Variants in CTNNA3 observed in about 807,000 individuals in gnomAD.
CTNNA3 encodes catenin alpha-3.
Under a neutral mutation model 95.7 loss-of-function variants are expected in CTNNA3, and 76 were observed. That is an observed-to-expected ratio of 0.79 (90% CI 0.66 to 0.96). The LOEUF (loss-of-function observed/expected upper bound fraction) is 0.96. Among genes scored for constraint, CTNNA3 ranks in the 40% least tolerant of loss-of-function variants. CTNNA3 has a pLI of 0.00. For missense variants in CTNNA3, 1,191 were observed against 1,089.8 expected (o/e 1.09, Z -1.31); for synonymous variants, 431 against 374.4 (o/e 1.15, Z -1.74).
intron 5 of CTNNA3, among the ~76,000 whole-genome samples, chr10:67,309,425 G>C (rs1031407247): frequency 2.0e-5 from 3 of 152,142 alleles, no homozygotes; most frequent in African/African-American, 7.2e-5. Flanking sequence ...GGAGGTGGAA[G>C]TATGATTGTA....
At chr10:66,478,796 C>A (rs77638603) in intron 11 of CTNNA3, among the ~76,000 whole-genome samples, 9,759 of 151,772 alleles carry the variant, frequency 0.064, 455 homozygotes, top group Non-Finnish European at 0.099. Context: ...ACTGTACTCC[C>A]AGACATGCAG....
chr10:67,718,741 C>A (rs1841160205), intron 1 of CTNNA3, among the ~76,000 whole-genome samples: 1 of 152,174 alleles, frequency 6.6e-6, no homozygotes, highest in South Asian at 2.1e-4. Flanking sequence ...CGATGTTCAT[C>A]AGGGATGTTG....
At position 66,438,500 on chromosome 10, in the gene CTNNA3, A is replaced by T. The variant is rs7084505; in HGVS notation, c.1532-59148T>A. On this transcript the variant is annotated intron_variant, in intron 11 of 17. Coordinates refer to ENST00000433211, the MANE Select transcript of CTNNA3 (RefSeq NM_013266.4). ...TCCAGGTGGCTTTGTTTACACTGTGAGGGGAAAACTGCCTACTCAAGCCTC... is the reference window on the plus strand; with the variant it reads ...TCCAGGTGGCTTTGTTTACACTGTGTGGGGAAAACTGCCTACTCAAGCCTC... Among the ~76,000 whole-genome samples, 763 of 152,184 alleles carry T rather than the reference A, an allele frequency of 5.0e-3. 15 individuals are homozygous for T. The highest frequency in any genetic ancestry group is 0.018 in the African/African-American group (741 of 41,504).
At chr10:67,595,399 G>A (rs943102480) in intron 3 of CTNNA3, among the ~76,000 whole-genome samples, 2 of 152,150 alleles carry the variant, frequency 1.3e-5, no homozygotes, top group South Asian at 2.1e-4. Flanking sequence ...TTACCCAAAA[G>A]TCATTCAGGA....
intron 7 of CTNNA3, among the ~76,000 whole-genome samples, chr10:66,784,756 A>C (rs1840674007): frequency 6.6e-6 from 1 of 152,188 alleles, no homozygotes; most frequent in Non-Finnish European, 1.5e-5. Context: ...TAAAGGTATA[A>C]AGGTCAAAAC....
intron 14 of CTNNA3, among the ~76,000 whole-genome samples, chr10:66,083,554 A>C (rs2080852932): frequency 6.6e-6 from 1 of 152,210 alleles, no homozygotes; most frequent in African/African-American, 2.4e-5. Flanking sequence ...AGCCTGGACT[A>C]TATATAAAAA....
chr10:66,800,714 A>G lies in CTNNA3; in HGVS notation c.1048-25190T>C, dbSNP rs1334456074. ...AACTATATAGGAACTATATAAAGACATGAATAAAGAGATTTTGAAGTTACC... is the reference window on the plus strand; with the variant it reads ...AACTATATAGGAACTATATAAAGACGTGAATAAAGAGATTTTGAAGTTACC... On this transcript the variant is annotated intron_variant, in intron 7 of 17. Transcript: ENST00000433211. Among the ~76,000 whole-genome samples, 5 of 151,492 alleles carry G rather than the reference A, an allele frequency of 3.3e-5. No individual in the cohort carries two copies. The East Asian group carries it at 7.7e-4, about 23-fold the overall frequency.
At chr10:66,925,973 C>A in intron 7 of CTNNA3, 1 of 456,434 alleles carries the variant, frequency 2.2e-6, no homozygotes, top group Non-Finnish European at 4.4e-6. Context: ...TCTGCACATG[C>A]CCATAATGTT....
chr10:66,866,660 A>G (rs924803614), intron 7 of CTNNA3, among the ~76,000 whole-genome samples: 9 of 152,214 alleles, frequency 5.9e-5, no homozygotes, highest in African/African-American at 1.9e-4. Context: ...ATTGTAGGGT[A>G]TTGGGTAGGA....
intron 7 of CTNNA3, among the ~76,000 whole-genome samples, chr10:66,793,195 G>C (rs1311406112): frequency 1.3e-5 from 2 of 152,064 alleles, no homozygotes; most frequent in African/African-American, 4.8e-5. Context: ...ACCCAGACTG[G>C]AGTGCAATGA....
At chr10:67,080,150 A>G (rs2095413390) in intron 7 of CTNNA3, among the ~76,000 whole-genome samples, 1 of 152,182 alleles carries the variant, frequency 6.6e-6, no homozygotes, top group Non-Finnish European at 1.5e-5. Flanking sequence ...TCGTTAAAAA[A>G]TTCCCTCTTC....
chr10:67,323,606 T>A (rs1468016926), intron 5 of CTNNA3, among the ~76,000 whole-genome samples: 1 of 152,218 alleles, frequency 6.6e-6, no homozygotes, highest in East Asian at 1.9e-4. Flanking sequence ...CATGCTGTTT[T>A]GGTTATTGCA....
At chr10:66,042,521 A>G (rs1244730611) in intron 15 of CTNNA3, among the ~76,000 whole-genome samples, 2 of 152,142 alleles carry the variant, frequency 1.3e-5, no homozygotes, top group Non-Finnish European at 2.9e-5. Context: ...AAATGAAGGG[A>G]AAGGATAATT....
At chr10:65,974,935 T>G in intron 16 of CTNNA3, among the ~76,000 whole-genome samples, 1 of 152,174 alleles carries the variant, frequency 6.6e-6, no homozygotes, top group Non-Finnish European at 1.5e-5. Flanking sequence ...TCTAATGACC[T>G]AAACTGCAAA....
chr10:66,594,328 TC>T (rs2132237149), intron 10 of CTNNA3, among the ~76,000 whole-genome samples: 1 of 152,272 alleles, frequency 6.6e-6, no homozygotes, highest in East Asian at 1.9e-4. Context: ...TATGATTCTT[TC>T]CCAGACAATT....
At chr10:66,439,781 C>G (rs965662672) in intron 11 of CTNNA3, among the ~76,000 whole-genome samples, 4 of 151,986 alleles carry the variant, frequency 2.6e-5, no homozygotes, top group African/African-American at 4.8e-5. Flanking sequence ...ATATGTTACA[C>G]TAGGTTATGA....
intron 12 of CTNNA3, among the ~76,000 whole-genome samples, chr10:66,310,698 T>TC: frequency 6.6e-6 from 1 of 151,350 alleles, no homozygotes; most frequent in Admixed American, 6.6e-5. Context: ...TTTTTTTTTT[T>TC]TTTTTTTAGG....
At chr10:66,325,176 C>T (rs984777515) in intron 12 of CTNNA3, among the ~76,000 whole-genome samples, 2 of 152,094 alleles carry the variant, frequency 1.3e-5, no homozygotes, top group South Asian at 2.1e-4. Context: ...ATACACTTAA[C>T]GATAATCAGT....
At chr10:65,980,137 G>T (rs1173946253) in intron 16 of CTNNA3, among the ~76,000 whole-genome samples, 1 of 151,888 alleles carries the variant, frequency 6.6e-6, no homozygotes, top group Non-Finnish European at 1.5e-5. Flanking sequence ...GAACGAAATG[G>T]GAGATATTAC....
Sources: allele counts gnomAD v4.1 joint callset (sites outside exome capture counted in the v4.1 genomes callset), GRCh38; gene constraint gnomAD v4.1.1; transcripts MANE v1.5; gene names NCBI Gene and HGNC (gene_info 2026-07-23, HGNC 2026-07-21).